The following GABRB3 variants were observed in gnomAD, a reference collection of about 807,000 sequenced individuals.
GABRB3 encodes gamma-aminobutyric acid type A receptor subunit beta3.
Under a neutral mutation model 52.1 loss-of-function variants are expected in GABRB3, and 14 were observed. The observed-to-expected ratio is 0.27, with a 90% CI of 0.18 to 0.42. The LOEUF is 0.42. Ranked by LOEUF, GABRB3 falls within the 10% of genes least tolerant of loss-of-function variation. The pLI is 1.00. For missense variants in GABRB3, 307 were observed against 609.1 expected, an observed-to-expected ratio of 0.50 and a Z score of 5.22; for synonymous variants, 260 against 232.3, an observed-to-expected ratio of 1.12 and a Z score of -1.08.
intron 4 of GABRB3, among the ~76,000 whole-genome samples, chr15:26,610,947 A>T (rs2140517783): frequency 6.6e-6 from 1 of 152,378 alleles, no homozygotes; most frequent in Middle Eastern, 3.4e-3. Context: ...CAGCCAAAAC[A>T]AAATGATCTT....
At chr15:26,704,384 T>C (rs2140685729) in intron 3 of GABRB3, among the ~76,000 whole-genome samples, 1 of 152,356 alleles carries the variant, frequency 6.6e-6, no homozygotes, top group Non-Finnish European at 1.5e-5. Context: ...CTCTCAAGTG[T>C]CTTTGAGGTC....
At chr15:26,554,437 G>A (rs1170770172) in intron 8 of GABRB3, among the ~76,000 whole-genome samples, 2 of 151,566 alleles carry the variant, frequency 1.3e-5, no homozygotes, top group African/African-American at 4.9e-5. Context: ...GAAATACCAA[G>A]GGGAGGAATG....
chr15:26,623,160 G>A (rs960734813), intron 3 of GABRB3, among the ~76,000 whole-genome samples: 6 of 152,266 alleles, frequency 3.9e-5, no homozygotes, highest in Admixed American at 3.9e-4. Flanking sequence ...AAAACACATG[G>A]AGTGTTGCTC....
intron 3 of GABRB3, among the ~76,000 whole-genome samples, chr15:26,722,126 C>T (rs1486264427): frequency 1.3e-5 from 2 of 152,124 alleles, no homozygotes; most frequent in African/African-American, 4.8e-5. Flanking sequence ...CTTCTTTTCT[C>T]TTTGCTCAGA....
intron 4 of GABRB3, among the ~76,000 whole-genome samples, chr15:26,587,885 C>T (rs1408595694): frequency 7.9e-5 from 12 of 152,160 alleles, no homozygotes; most frequent in Non-Finnish European, 1.6e-4. Context: ...CTTCTCCAGC[C>T]CTCTGTGATC....
At chr15:26,675,082 C>G (rs1481663094) in intron 3 of GABRB3, among the ~76,000 whole-genome samples, 3 of 152,156 alleles carry the variant, frequency 2.0e-5, no homozygotes, top group Non-Finnish European at 4.4e-5. Context: ...TCAAAAGTCT[C>G]AGGAGTCCCT....
intron 8 of GABRB3, among the ~76,000 whole-genome samples, chr15:26,549,077 T>C (rs1889364217): frequency 6.6e-6 from 1 of 152,232 alleles, no homozygotes; most frequent in Non-Finnish European, 1.5e-5. Flanking sequence ...TGTCCTGTTT[T>C]AGGCTGTGGA....
At position 26,772,731 on chromosome 15, in the gene GABRB3, ACCGTCT is replaced by A. The variant is rs1232661481; in HGVS notation, c.116_121del (p.Glu39_Thr40del). On this transcript the variant is annotated inframe_deletion, in exon 2 of 9. Transcript: ENST00000311550. ...GTCGTAGCCTTTCAACAGCTTGTCC[ACCGTCT>A]CCTTCACAAAGGACATGTTCCCGGG... is the stretch of plus-strand genomic sequence containing the variant. 6.4e-7 allele frequency: 1 copy of A among 1,571,714 alleles called. No individual in the cohort carries two copies.
intron 6 of GABRB3, among the ~76,000 whole-genome samples, chr15:26,579,284 C>T (rs1005287144): frequency 2.6e-5 from 4 of 152,182 alleles, no homozygotes; most frequent in African/African-American, 9.6e-5. Context: ...GAGCTGTGAG[C>T]AGAGCTGGAA....
chr15:26,583,195 C>G (rs1238142559), intron 5 of GABRB3, 137 bp downstream of exon 5: 31 of 713,814 alleles, frequency 4.3e-5, no homozygotes, highest in Non-Finnish European at 6.9e-5. Flanking sequence ...CTCTCTCTCT[C>G]TGTGTTTCTC....
chr15:26,768,530 G>T lies in GABRB3; in HGVS notation c.240+3872C>A, dbSNP rs151317809. ...CCTATACTTGCAAAGTTTTTCCCATGTGTTGATCTCTTCATCTATCTACTC... is the reference window on the plus strand; with the variant it reads ...CCTATACTTGCAAAGTTTTTCCCATTTGTTGATCTCTTCATCTATCTACTC... On this transcript the variant is annotated intron_variant, in intron 3 of 8. Coordinates refer to ENST00000311550, the MANE Select transcript of GABRB3 (RefSeq NM_000814.6). 2.0e-3 allele frequency among the ~76,000 whole-genome samples: 301 copies of T among 151,998 alleles called. 1 individual carries two copies. Among genetic ancestry groups the T allele is most frequent in the African/African-American group, 6.4e-3 (264 of 41,468 alleles).
chr15:26,694,422 C>T (rs1159959309), intron 3 of GABRB3, among the ~76,000 whole-genome samples: 1 of 152,130 alleles, frequency 6.6e-6, no homozygotes, highest in Non-Finnish European at 1.5e-5. Context: ...AAGGAATCAC[C>T]ACTGAAGAAC....
intron 8 of GABRB3, among the ~76,000 whole-genome samples, chr15:26,548,825 A>C (rs1223131353): frequency 1.3e-5 from 2 of 152,220 alleles, no homozygotes; most frequent in Non-Finnish European, 2.9e-5. Flanking sequence ...TGATGATGCC[A>C]AAGGTCCATT....
At chr15:26,605,634 A>G (rs1480326989) in intron 4 of GABRB3, among the ~76,000 whole-genome samples, 1 of 152,190 alleles carries the variant, frequency 6.6e-6, no homozygotes, top group African/African-American at 2.4e-5. Flanking sequence ...ACATGGATAA[A>G]ACTGGAGGTC....
chr15:26,610,014 T>C (rs1389550451), intron 4 of GABRB3, among the ~76,000 whole-genome samples: 1 of 152,154 alleles, frequency 6.6e-6, no homozygotes, highest in African/African-American at 2.4e-5. Context: ...CTGCAGACGG[T>C]ATCAAGGAAC....
At chr15:26,726,764 C>A (rs1201309271) in intron 3 of GABRB3, among the ~76,000 whole-genome samples, 1 of 152,148 alleles carries the variant, frequency 6.6e-6, no homozygotes, top group Non-Finnish European at 1.5e-5. Flanking sequence ...CTGGTATCTG[C>A]TGGGTTTCTA....
chr15:26,683,931 C>A (rs547137607), intron 3 of GABRB3, among the ~76,000 whole-genome samples: 81 of 152,146 alleles, frequency 5.3e-4, no homozygotes, highest in Middle Eastern at 6.8e-3. Flanking sequence ...AGGAGGAGGG[C>A]ACAAATCCAC....
chr15:26,729,714 C>T (rs1889860080), intron 3 of GABRB3, among the ~76,000 whole-genome samples: 1 of 152,152 alleles, frequency 6.6e-6, no homozygotes, highest in Non-Finnish European at 1.5e-5. Flanking sequence ...CATCTGTTCC[C>T]TATGCCCCCA....
chr15:26,768,930 C>T (rs1891069597), intron 3 of GABRB3, among the ~76,000 whole-genome samples: 1 of 152,084 alleles, frequency 6.6e-6, no homozygotes, highest in Non-Finnish European at 1.5e-5. Context: ...CATTCAAATC[C>T]CTTCCTAGAT....
Sources: allele counts gnomAD v4.1 joint callset (sites outside exome capture counted in the v4.1 genomes callset), GRCh38; gene constraint gnomAD v4.1.1; transcripts MANE v1.5; gene names NCBI Gene and HGNC (gene_info 2026-07-23, HGNC 2026-07-21).